Variants in ROBO2 observed in about 807,000 individuals in gnomAD.
The protein encoded by ROBO2 is roundabout guidance receptor 2, also known as roundabout homolog 2.
A neutral mutation model predicts 160.8 loss-of-function variants in ROBO2; 53 were observed. The ratio of observed to expected loss-of-function variants is 0.33; its 90% CI spans 0.26 to 0.41. The LOEUF is 0.41. Among genes scored for constraint, ROBO2 ranks in the 10% least tolerant of loss-of-function variants. The probability of loss-of-function intolerance (pLI) is 1.00; values close to 1 mark genes in which losing one functional copy is unlikely to be tolerated. For synonymous variants in ROBO2, 664 were observed against 611.7 expected (o/e 1.09, Z -1.26); for missense variants, 1,577 against 1,722.4 (o/e 0.92, Z 1.49).
At chr3:77,368,923 CCTTA>C (rs1033235632) in intron 2 of ROBO2, among the ~76,000 whole-genome samples, 6 of 152,088 alleles carry the variant, frequency 3.9e-5, no homozygotes, top group Non-Finnish European at 8.8e-5. Flanking sequence ...CATAAAGTCA[CCTTA>C]CTTGAGTTAA....
chr3:76,983,735 ACT>A (rs1195237285), intron 2 of ROBO2, among the ~76,000 whole-genome samples: 2 of 152,206 alleles, frequency 1.3e-5, no homozygotes, highest in Non-Finnish European at 2.9e-5. Flanking sequence ...CATTTGACTC[ACT>A]CTGTCCAGAT....
At chr3:76,393,552 C>A (rs189742636) in intron 2 of ROBO2, among the ~76,000 whole-genome samples, 1 of 151,952 alleles carries the variant, frequency 6.6e-6, no homozygotes, top group Non-Finnish European at 1.5e-5. Flanking sequence ...TGAGTTCTTG[C>A]GTTTATTAGA....
chr3:76,261,895 A>T (rs1381580027), intron 2 of ROBO2, among the ~76,000 whole-genome samples: 9 of 152,198 alleles, frequency 5.9e-5, no homozygotes, highest in Non-Finnish European at 1.2e-4. Context: ...AGTATTTTAT[A>T]GAACAGGTAG....
chr3:77,245,723 T>G (rs2089649426), intron 2 of ROBO2, among the ~76,000 whole-genome samples: 1 of 152,200 alleles, frequency 6.6e-6, no homozygotes, highest in Admixed American at 6.5e-5. Flanking sequence ...CTTCTTTCTT[T>G]TAAGTTGATG....
At chr3:76,972,911 A>C (rs2059640210) in intron 2 of ROBO2, among the ~76,000 whole-genome samples, 1 of 152,232 alleles carries the variant, frequency 6.6e-6, no homozygotes, top group South Asian at 2.1e-4. Context: ...AGGATGAATC[A>C]CTTAGAAAAT....
At chr3:77,342,430 T>A (rs575625109) in intron 2 of ROBO2, among the ~76,000 whole-genome samples, 2 of 152,182 alleles carry the variant, frequency 1.3e-5, no homozygotes, top group Admixed American at 1.3e-4. Context: ...ATTGCAAGAG[T>A]TGATTTTTAG....
intron 2 of ROBO2, among the ~76,000 whole-genome samples, chr3:76,769,295 A>G (rs944651786): frequency 2.0e-5 from 3 of 151,432 alleles, no homozygotes; most frequent in Non-Finnish European, 3.0e-5. Flanking sequence ...GTTAAAATTC[A>G]TATTCTGATT....
At chr3:76,402,382 C>G (rs547150714) in intron 2 of ROBO2, among the ~76,000 whole-genome samples, 2 of 151,584 alleles carry the variant, frequency 1.3e-5, no homozygotes, top group East Asian at 1.9e-4. Context: ...TGGGGCAGCT[C>G]TCTTCCTTGT....
At chr3:77,599,706 G>A (rs1360442285) in intron 19 of ROBO2, among the ~76,000 whole-genome samples, 1 of 151,518 alleles carries the variant, frequency 6.6e-6, no homozygotes. Flanking sequence ...ATGACAATAC[G>A]TTTGAATGTA....
chr3:76,434,857 T>C, intron 2 of ROBO2: 3 of 1,580,652 alleles, frequency 1.9e-6, no homozygotes, highest in Non-Finnish European at 2.6e-6. Context: ...AACCCTGCCC[T>C]GAAGGCTCAG....
chr3:77,145,725 G>A (rs1466385382), intron 2 of ROBO2, among the ~76,000 whole-genome samples: 1 of 152,122 alleles, frequency 6.6e-6, no homozygotes, highest in Non-Finnish European at 1.5e-5. Flanking sequence ...AAACACATCA[G>A]TTTATGTGTT....
chr3:77,199,809 T>C (rs1167758200), intron 2 of ROBO2, among the ~76,000 whole-genome samples: 1 of 150,674 alleles, frequency 6.6e-6, no homozygotes, highest in African/African-American at 2.4e-5. Flanking sequence ...TTGTTGTTTA[T>C]AGAGATGATG....
At chr3:76,387,764 G>A (rs1209670832) in intron 2 of ROBO2, among the ~76,000 whole-genome samples, 1 of 152,216 alleles carries the variant, frequency 6.6e-6, no homozygotes, top group Non-Finnish European at 1.5e-5. Context: ...CAGAGTCTGT[G>A]CTGTGGATGA....
At chr3:77,647,171 G>A (rs868772734) in exon 26 of ROBO2, 7 of 152,390 alleles carry the variant, frequency 4.6e-5, no homozygotes, top group African/African-American at 1.4e-4. Flanking sequence ...CATGTACAGT[G>A]CACACTAGAG....
chr3:76,094,447 C>T (rs1264218458), intron 2 of ROBO2, among the ~76,000 whole-genome samples: 3 of 152,320 alleles, frequency 2.0e-5, no homozygotes, highest in Non-Finnish European at 2.9e-5. Flanking sequence ...TAACGAAATA[C>T]AGCTGGGCTT....
intron 1 of ROBO2, among the ~76,000 whole-genome samples, chr3:75,926,272 G>C (rs1173017171): frequency 1.3e-5 from 2 of 152,116 alleles, no homozygotes; most frequent in Non-Finnish European, 2.9e-5. Context: ...TAAGTTCAGG[G>C]GTACAAGTGC....
In ROBO2 at chr3:77,577,225, G is replaced by A. The variant is rs562056548; in HGVS notation, c.2204-265G>A. 2.6e-5 allele frequency among the ~76,000 whole-genome samples: 4 copies of A among 152,002 alleles called. No homozygotes were observed. In the South Asian group the frequency reaches 8.3e-4, roughly 32 times the overall value. On this transcript the variant is annotated intron_variant, in intron 14 of 25. Transcript: ENST00000461745. ...AAACCTGACACTTAGCTCTGTGCGG[G>A]GTGTATAGAAAACACTTATTAGAAT...
At chr3:76,054,418 G>C (rs2067764080) in intron 2 of ROBO2, among the ~76,000 whole-genome samples, 2 of 152,166 alleles carry the variant, frequency 1.3e-5, no homozygotes, top group African/African-American at 4.8e-5. Flanking sequence ...AGTGAGTTTA[G>C]ACAGAAATTC....
chr3:77,388,571 C>T (rs573402289), intron 2 of ROBO2, among the ~76,000 whole-genome samples: 5 of 152,174 alleles, frequency 3.3e-5, no homozygotes, highest in African/African-American at 1.2e-4. Context: ...AAATTAAAGG[C>T]ATCCTTATTG....
Sources: allele counts gnomAD v4.1 joint callset (sites outside exome capture counted in the v4.1 genomes callset), GRCh38; gene constraint gnomAD v4.1.1; transcripts MANE v1.5; gene names NCBI Gene and HGNC (gene_info 2026-07-23, HGNC 2026-07-21).